OR8D1: variants seen among roughly 807,000 people sequenced by gnomAD.
OR8D1 encodes olfactory receptor 8D1.
For missense variants in OR8D1, 384 were observed against 366.8 expected (o/e 1.05, Z -0.38); for synonymous variants, 143 against 147.0 (o/e 0.97, Z 0.20).
rs938447488 is a variant in OR8D1, at chr11:124,308,901, C to CA, written c.*938dup. ...CCCAGCAACATACAAAAGCTAAAAA[C>CA]AAAAACAGAAGGAAATGTTACATGA... On this transcript the variant is annotated 3_prime_UTR_variant, in exon 3 of 3. Transcript: ENST00000641015. The CA allele has an allele frequency of 4.6e-5, 7 of 152,006 alleles. No individual in the cohort carries two copies. Among genetic ancestry groups the CA allele is most frequent in the Non-Finnish European group, 7.4e-5 (5 of 67,992 alleles). The allele number at this position is 152,006 out of a possible 1,614,324, so 9.4% of individuals were successfully genotyped here.
chr11:124,303,439 A>T lies in OR8D1; in HGVS notation c.*6401T>A, dbSNP rs767655452. ...TTTGGCTGATTCTGTGAAGTTAAAC[A>T]TTGTTCCATTTGTTTATTGGCTACT... On this transcript the variant is annotated 3_prime_UTR_variant, in exon 3 of 3. Transcript: ENST00000641015. 1 of 152,002 alleles carries T rather than the reference A, an allele frequency of 6.6e-6. No individual in the cohort carries two copies. The highest frequency in any genetic ancestry group is 1.5e-5 in the Non-Finnish European group (1 of 67,978). 9.4% of individuals were successfully genotyped at this position (152,002 alleles called of 1,614,324 possible).
In OR8D1 at chr11:124,310,453, A is replaced by T; in HGVS notation, c.314T>A (p.Val105Glu). The change falls in exon 3 of 3, where the codon GTG becomes GAG. Residue 105 changes from valine (V) to glutamate (E), a missense_variant. Val to Glu is a moderately radical substitution (Grantham distance 121). Coordinates refer to ENST00000641015, the MANE Select transcript of OR8D1 (RefSeq NM_001002917.2). ...SECMVQLFFF[V>E]VFVVAEGYLL... ...GTAACCCTCAGCCACCACAAAGACCACAAAGAAAAAGAGCTGGACCATGCA... is the reference window on the plus strand; with the variant it reads ...GTAACCCTCAGCCACCACAAAGACCTCAAAGAAAAAGAGCTGGACCATGCA... The T allele has an allele frequency of 6.2e-7, 1 of 1,613,688 alleles. No individual in the cohort carries two copies. Among genetic ancestry groups the T allele is most frequent in the Non-Finnish European group, 8.5e-7 (1 of 1,179,848 alleles).
In OR8D1 at chr11:124,305,598, C is replaced by A. The variant is rs563350926; in HGVS notation, c.*4242G>T. ...TGATGCTAATATTCTATATCTTTAC[C>A]TGGAGAGTCACTAAATAGATATAAA... On this transcript the variant is annotated 3_prime_UTR_variant, in exon 3 of 3. Transcript: ENST00000641015. The A allele has an allele frequency of 6.6e-6, 1 of 151,686 alleles. No individual in the cohort carries two copies. The highest frequency in any genetic ancestry group is 1.5e-5 in the Non-Finnish European group (1 of 67,842). The allele number at this position is 151,686 out of a possible 1,614,324, so 9.4% of individuals were successfully genotyped here.
At position 124,309,307 on chromosome 11, in the gene OR8D1, CCTG is replaced by C. The variant is rs1862395227; in HGVS notation, c.*530_*532del. 6.6e-6 allele frequency: 1 copy of C among 151,926 alleles called. No homozygotes were observed. The highest frequency in any genetic ancestry group is 6.6e-5 in the Admixed American group (1 of 15,252). 9.4% of individuals were successfully genotyped at this position (151,926 alleles called of 1,614,324 possible). A position where few individuals can be genotyped will look rare whatever the true frequency, so the allele number is the denominator to read the frequency against. ...AATAGTAAAAGCGATTCGAATAAGA[CCTG>C]CTGACTAGAATTGCCATTCTTGTTC... On this transcript the variant is annotated 3_prime_UTR_variant, in exon 3 of 3. Coordinates refer to ENST00000641015, the MANE Select transcript of OR8D1 (RefSeq NM_001002917.2).
chr11:124,303,410 C>T lies in OR8D1; in HGVS notation c.*6430G>A, dbSNP rs975621325. The T allele has an allele frequency of 2.0e-5, 3 of 151,918 alleles. No homozygotes were observed. The East Asian group carries it at 5.8e-4, about 29-fold the overall frequency. 9.4% of individuals were successfully genotyped at this position (151,918 alleles called of 1,614,324 possible). A position where few individuals can be genotyped will look rare whatever the true frequency, so the allele number is the denominator to read the frequency against. Reference sequence around the variant, plus strand: ...CTTGACATGTAGTATAGTAAACGGTCGTATTTGGCTGATTCTGTGAAGTTA... The same window carrying T: ...CTTGACATGTAGTATAGTAAACGGTTGTATTTGGCTGATTCTGTGAAGTTA... On this transcript the variant is annotated 3_prime_UTR_variant, in exon 3 of 3. Transcript: ENST00000641015.
At chr11:124,312,113 T>G (rs190178104) in intron 1 of OR8D1, among the ~76,000 whole-genome samples, 1 of 152,312 alleles carries the variant, frequency 6.6e-6, no homozygotes, top group Admixed American at 6.5e-5. Flanking sequence ...AAAGATTCAT[T>G]ATCTAAAAAC....
At position 124,310,454 on chromosome 11, in the gene OR8D1, C is replaced by T; in HGVS notation, c.313G>A (p.Val105Met). Residue 105 changes from valine to methionine, a missense_variant, in exon 3 of 3, where the codon GTG (valine) becomes ATG (methionine). Coordinates refer to ENST00000641015, the MANE Select transcript of OR8D1 (RefSeq NM_001002917.2). Reference protein sequence around the residue: ...SECMVQLFFFVVFVVAEGYLL... With the variant: ...SECMVQLFFFMVFVVAEGYLL... Reference sequence around the variant, plus strand: ...TAACCCTCAGCCACCACAAAGACCACAAAGAAAAAGAGCTGGACCATGCAC... The same window carrying T: ...TAACCCTCAGCCACCACAAAGACCATAAAGAAAAAGAGCTGGACCATGCAC... 7 of 1,613,552 alleles carry T rather than the reference C, an allele frequency of 4.3e-6. 1 individual carries two copies. Among genetic ancestry groups the T allele is most frequent in the Non-Finnish European group, 2.5e-6 (3 of 1,179,850 alleles).
chr11:124,313,196 GGAAAGAAA>G (rs34920915), intron 1 of OR8D1, among the ~76,000 whole-genome samples: 2 of 137,800 alleles, frequency 1.5e-5, no homozygotes, highest in Admixed American at 7.8e-5. Context: ...AAAGAAGGAA[GGAAAGAAA>G]GAAAGAAAGA....
chr11:124,306,586 G>T lies in OR8D1; in HGVS notation c.*3254C>A, dbSNP rs1862370686. The T allele has an allele frequency of 6.6e-6, 1 of 151,676 alleles. No individual in the cohort carries two copies. Among genetic ancestry groups the T allele is most frequent in the African/African-American group, 2.4e-5 (1 of 41,340 alleles). The allele number at this position is 151,676 out of a possible 1,614,324, so 9.4% of individuals were successfully genotyped here. On this transcript the variant is annotated 3_prime_UTR_variant, in exon 3 of 3. Transcript: ENST00000641015. Reference sequence around the variant, plus strand: ...TAAGACAAAAACATCCTAATAGTGTGCTGATGAGGGTTTTTTCAGCAGAAA... The same window carrying T: ...TAAGACAAAAACATCCTAATAGTGTTCTGATGAGGGTTTTTTCAGCAGAAA...
rs1862388790 is a variant in OR8D1 at position 124,308,818 on chromosome 11, C to A, written c.*1022G>T. On this transcript the variant is annotated 3_prime_UTR_variant, in exon 3 of 3. Coordinates refer to ENST00000641015, the MANE Select transcript of OR8D1 (RefSeq NM_001002917.2). ...AATGCTAGAAATTCAATGGAATATT[C>A]CTGGGAAGAAGAGAAAACAGCTGAG... The A allele has an allele frequency of 1.3e-5, 2 of 152,122 alleles. No individual in the cohort carries two copies. Among genetic ancestry groups the A allele is most frequent in the South Asian group, 2.1e-4 (1 of 4,818 alleles). The allele number at this position is 152,122 out of a possible 1,614,324, so 9.4% of individuals were successfully genotyped here.
At position 124,310,692 on chromosome 11, in the gene OR8D1, C is replaced by T. The variant is rs2137792797; in HGVS notation, c.75G>A (p.Leu25=). The change falls in exon 3 of 3, where the codon CTG becomes CTA. Residue 25 remains leucine, a synonymous_variant. Transcript: ENST00000641015. ...DGLTQQAELQ[L]PLFLLFLGIY... ...TTCCCAGGAACAGGAGGAAGAGGGG[C>T]AGCTGGAGCTCTGCTTGCTGTGTTA... 6.2e-7 allele frequency: 1 copy of T among 1,613,914 alleles called. No homozygotes were observed. Among genetic ancestry groups the T allele is most frequent in the Non-Finnish European group, 8.5e-7 (1 of 1,179,862 alleles).
In OR8D1 at chr11:124,310,418, C is replaced by A. The variant is rs1268384010; in HGVS notation, c.349G>T (p.Ala117Ser). The A allele has an allele frequency of 6.2e-7, 1 of 1,613,392 alleles. No individual in the cohort carries two copies. Among genetic ancestry groups the A allele is most frequent in the South Asian group, 1.1e-5 (1 of 91,042 alleles). The change falls in exon 3 of 3, where the codon GCC becomes TCC. Residue 117 changes from alanine (A) to serine (S), a missense_variant. Transcript: ENST00000641015. ...FVVAEGYLLT[A>S]MAYDRYVAIC... Reference sequence around the variant, plus strand: ...GCAACATAGCGATCATATGCCATGGCAGTCAGGAGGTAACCCTCAGCCACC... The same window carrying A: ...GCAACATAGCGATCATATGCCATGGAAGTCAGGAGGTAACCCTCAGCCACC...
rs760500549 is a variant in OR8D1, at chr11:124,309,815, A to G, written c.*25T>C. On this transcript the variant is annotated 3_prime_UTR_variant, in exon 3 of 3. Coordinates refer to ENST00000641015, the MANE Select transcript of OR8D1 (RefSeq NM_001002917.2). ...TTCATTGGAACTATTCATTTTTCCC[A>G]TCTATAAATCCCCCAAATCAGGACT... is the stretch of plus-strand genomic sequence containing the variant. The G allele has an allele frequency of 3.0e-6, 4 of 1,319,190 alleles. No homozygotes were observed. The highest frequency in any genetic ancestry group is 2.4e-5 in the South Asian group (1 of 42,098). 81.7% of individuals were successfully genotyped at this position (1,319,190 alleles called of 1,614,324 possible).
rs890914156 is a variant in OR8D1 at position 124,310,728 on chromosome 11, G to A, written c.39C>T (p.Val13=). The A allele has an allele frequency of 2.5e-6, 4 of 1,612,890 alleles. No individual in the cohort carries two copies. The highest frequency in any genetic ancestry group is 3.4e-6 in the Non-Finnish European group (4 of 1,179,516). Reference sequence around the variant, plus strand: ...CTGCTTGCTGTGTTAAACCATCTAAGACAAACTGAGCTGCCATAGAATAAT... The same window carrying A: ...CTGCTTGCTGTGTTAAACCATCTAAAACAAACTGAGCTGCCATAGAATAAT... ...MENYSMAAQF[V]LDGLTQQAEL... The change falls in exon 3 of 3, where the codon GTC becomes GTT. Residue 13 remains valine, a synonymous_variant. Transcript: ENST00000641015.
intron 1 of OR8D1, among the ~76,000 whole-genome samples, chr11:124,313,241 G>T (rs1376952609): frequency 7.0e-6 from 1 of 142,054 alleles, no homozygotes; most frequent in Non-Finnish European, 1.5e-5. Flanking sequence ...AAAGAAGGAG[G>T]GAGGGAGGGA....
intron 2 of OR8D1, 127 bp from the exon 3 acceptor site, chr11:124,310,909 C>G: frequency 4.9e-6 from 3 of 615,424 alleles, no homozygotes; most frequent in Non-Finnish European, 8.4e-6. Context: ...TGTCTCTAAA[C>G]TTGATACCTC....
chr11:124,309,950 C>T lies in OR8D1; in HGVS notation c.817G>A (p.Val273Met), dbSNP rs966757759. Residue 273 changes from valine (V) to methionine (M), a missense_variant, in exon 3 of 3, where the codon GTG (valine) becomes ATG (methionine). Physicochemically the swap from Val to Met is conservative, Grantham distance 21. Transcript: ENST00000641015. ...ACCGTGGTGTAGAACACAGAGGACA[C>T]CTTCTCCTGGTCCAGGGAGTTACTT... ...PSSNSLDQEK[V>M]SSVFYTTVIP... 1.3e-6 allele frequency: 2 copies of T among 1,557,714 alleles called. No homozygotes were observed. The highest frequency in any genetic ancestry group is 1.7e-6 in the Non-Finnish European group (2 of 1,154,848).
chr11:124,313,235 A>C (rs1361617397), intron 1 of OR8D1, among the ~76,000 whole-genome samples: 1 of 146,160 alleles, frequency 6.8e-6, no homozygotes, highest in African/African-American at 2.6e-5. Flanking sequence ...GGAAAGAAAG[A>C]AGGAGGGAGG....
chr11:124,304,499 A>C lies in OR8D1; in HGVS notation c.*5341T>G, dbSNP rs1404750885. The C allele has an allele frequency of 1.3e-5, 2 of 151,970 alleles. No individual in the cohort carries two copies. Among genetic ancestry groups the C allele is most frequent in the Middle Eastern group, 3.2e-3 (1 of 316 alleles). The allele number at this position is 151,970 out of a possible 1,614,324, so 9.4% of individuals were successfully genotyped here. A position where few individuals can be genotyped will look rare whatever the true frequency, so the allele number is the denominator to read the frequency against. On this transcript the variant is annotated 3_prime_UTR_variant, in exon 3 of 3. Coordinates refer to ENST00000641015, the MANE Select transcript of OR8D1 (RefSeq NM_001002917.2). ...TGAATAAAGATTTAATAGACATTCT[A>C]GTATATTTTTATTTCTGCACTGTTT...
Sources: gnomAD v4.1 joint callset for allele counts (sites outside exome capture counted in the v4.1 genomes callset) on GRCh38, gnomAD v4.1.1 for gene constraint, MANE v1.5 for transcripts, NCBI Gene and HGNC (gene_info 2026-07-23, HGNC 2026-07-21) for gene names.